The following PJA2 variants were observed in gnomAD, a reference collection of about 807,000 sequenced individuals.
PJA2 encodes the protein E3 ubiquitin-protein ligase Praja-2.
In PJA2, 25 loss-of-function variants were observed where a neutral mutation model predicts 69.3. The observed-to-expected ratio is 0.36, with a 90% CI of 0.26 to 0.50. The LOEUF (loss-of-function observed/expected upper bound fraction) is 0.50. Ranked by LOEUF, PJA2 falls within the 20% of genes least tolerant of loss-of-function variation. PJA2 has a pLI of 0.96. For missense variants in PJA2, 809 were observed against 830.2 expected (o/e 0.97, Z 0.31); for synonymous variants, 308 against 277.8 (o/e 1.11, Z -1.08).
At chr5:109,388,333 G>T (rs1202654248) in intron 1 of PJA2, among the ~76,000 whole-genome samples, 1 of 152,256 alleles carries the variant, frequency 6.6e-6, no homozygotes, top group South Asian at 2.1e-4. Context: ...TTACCCTTCA[G>T]ATGACTGCAG....
rs1373606204 is a variant in PJA2 at position 109,386,918 on chromosome 5, T to G, written c.-87-3398A>C. 2.0e-5 allele frequency among the ~76,000 whole-genome samples: 3 copies of G among 152,186 alleles called. No individual in the cohort carries two copies. The East Asian group carries it at 5.8e-4, about 29-fold the overall frequency. On this transcript the variant is annotated intron_variant, in intron 1 of 9. Transcript: ENST00000361189. ...GGTATTCTATAATTTCACAAAGACT[T>G]GTTTGGGGCAGGCCATGTTTAAATT...
chr5:109,362,749 T>C, intron 6 of PJA2, 91 bp downstream of exon 6: 2 of 1,282,536 alleles, frequency 1.6e-6, no homozygotes, highest in Non-Finnish European at 2.1e-6. Flanking sequence ...AAAATTATAA[T>C]ATTTCTCAGC....
chr5:109,344,995 C>G (rs1162317880), intron 7 of PJA2, among the ~76,000 whole-genome samples, 176 bp from the exon 8 acceptor site: 1 of 152,024 alleles, frequency 6.6e-6, no homozygotes, highest in Non-Finnish European at 1.5e-5. Flanking sequence ...CACCAACAAA[C>G]CAAAACATTA....
At position 109,403,183 on chromosome 5, in the gene PJA2, G is replaced by A. The variant is rs11952268; in HGVS notation, c.-88+6659C>T. Among the ~76,000 whole-genome samples the A allele has an allele frequency of 4.7e-3, 708 of 152,132 alleles. 4 individuals carry two copies. Among genetic ancestry groups the A allele is most frequent in the African/African-American group, 0.016 (666 of 41,522 alleles). The stretch of plus-strand genomic sequence containing the variant: ...TGAAAGGAAAGACACCACTACAGAC[G>A]TTATAGGCATTAAAATAATTAAGAA... On this transcript the variant is annotated intron_variant, in intron 1 of 9. Coordinates refer to ENST00000361189, the MANE Select transcript of PJA2 (RefSeq NM_014819.5).
At chr5:109,362,518 T>C (rs906314590) in intron 6 of PJA2, among the ~76,000 whole-genome samples, 3 of 152,146 alleles carry the variant, frequency 2.0e-5, no homozygotes, top group African/African-American at 7.2e-5. Flanking sequence ...AAGCTATTTT[T>C]GAAAGAATTA....
At chr5:109,407,887 G>A (rs1458457628) in intron 1 of PJA2, among the ~76,000 whole-genome samples, 1 of 152,084 alleles carries the variant, frequency 6.6e-6, no homozygotes, top group Non-Finnish European at 1.5e-5. Flanking sequence ...TCTGAGGAGA[G>A]AGACTCAATA....
Position 109,359,975 on chromosome 5 carries a change from C to A in PJA2, c.1652+2865G>T, listed in dbSNP as rs578085504. Among the ~76,000 whole-genome samples, 6 of 152,112 alleles carry A rather than the reference C, an allele frequency of 3.9e-5. No homozygotes were observed. The South Asian group carries it at 1.2e-3, about 32-fold the overall frequency. On this transcript the variant is annotated intron_variant, in intron 6 of 9. Coordinates refer to ENST00000361189, the MANE Select transcript of PJA2 (RefSeq NM_014819.5). ...ATAAGTGGGTCAGAAAAAAACCTTA[C>A]TATAAGTATAAAGAAAGGAAAGACA...
At chr5:109,349,545 C>T (rs1332126701) in intron 7 of PJA2, among the ~76,000 whole-genome samples, 3 of 152,190 alleles carry the variant, frequency 2.0e-5, no homozygotes, top group Non-Finnish European at 1.5e-5. Context: ...CAGTACAGCA[C>T]TTCCAGTTAG....
chr5:109,374,198 T>C (rs1401009367), intron 4 of PJA2, among the ~76,000 whole-genome samples: 1 of 152,230 alleles, frequency 6.6e-6, no homozygotes, highest in Non-Finnish European at 1.5e-5. Flanking sequence ...CTTTCTGGTC[T>C]TTTTCCTTAG....
At chr5:109,353,862 A>G (rs1351811750) in intron 7 of PJA2, among the ~76,000 whole-genome samples, 15 of 45,016 alleles carry the variant, frequency 3.3e-4, no homozygotes, top group African/African-American at 1.1e-3. Flanking sequence ...TGTCTATGAT[A>G]TCTAGAGATA....
At chr5:109,352,527 C>G (rs1287195614) in intron 7 of PJA2, among the ~76,000 whole-genome samples, 2 of 152,088 alleles carry the variant, frequency 1.3e-5, no homozygotes, top group Non-Finnish European at 2.9e-5. Flanking sequence ...TTTGCCAAGG[C>G]AGGTTAAATA....
intron 9 of PJA2, among the ~76,000 whole-genome samples, chr5:109,341,558 TCAGCCCCCCGCCCGGC>T (rs1265846268): frequency 5.4e-4 from 34 of 63,534 alleles, no homozygotes; most frequent in Non-Finnish European, 8.9e-4. Context: ...TGGGGGGGGG[TCAGCCCCCCGCCCGGC>T]CAGCCGCCCC....
intron 6 of PJA2, among the ~76,000 whole-genome samples, chr5:109,357,008 T>C (rs1003218792): frequency 6.6e-6 from 1 of 152,034 alleles, no homozygotes; most frequent in African/African-American, 2.4e-5. Flanking sequence ...ATGTCCTTGG[T>C]CCTCTTTTCT....
At chr5:109,346,834 G>C (rs1380972412) in intron 7 of PJA2, among the ~76,000 whole-genome samples, 1 of 152,056 alleles carries the variant, frequency 6.6e-6, no homozygotes, top group Non-Finnish European at 1.5e-5. Context: ...AAAAACTGTA[G>C]CAATAGTAAA....
At position 109,344,319 on chromosome 5, in the gene PJA2, C is replaced by A; in HGVS notation, c.1880-8G>T. On this transcript the variant is annotated splice_polypyrimidine_tract_variant and splice_region_variant and intron_variant, in intron 8 of 9. Coordinates refer to ENST00000361189, the MANE Select transcript of PJA2 (RefSeq NM_014819.5). ...ATTGTTCCTGACCAATAGCTGAAAA[C>A]AACAAATAATTCAGGTCAATCACAC... 6.3e-7 allele frequency: 1 copy of A among 1,586,366 alleles called. No individual in the cohort carries two copies. Among genetic ancestry groups the A allele is most frequent in the Non-Finnish European group, 8.5e-7 (1 of 1,169,680 alleles).
rs769906130 is a variant in PJA2, at chr5:109,378,564, C to G, written c.923G>C (p.Ser308Thr). 1 of 1,614,156 alleles carries G rather than the reference C, an allele frequency of 6.2e-7. No homozygotes were observed. Among genetic ancestry groups the G allele is most frequent in the East Asian group, 2.2e-5 (1 of 44,886 alleles). ...TGGCCTCACTACCTGTTCAGGAGAACTTCCATGGTTCTTTTCCCTATCATT... is the reference window on the plus strand; with the variant it reads ...TGGCCTCACTACCTGTTCAGGAGAAGTTCCATGGTTCTTTTCCCTATCATT... ...NTNDREKNHG[S>T]SPEQVVRPKV... Residue 308 changes from serine (S) to threonine (T), a missense_variant, in exon 4 of 10, where the codon AGT becomes ACT. Coordinates refer to ENST00000361189, the MANE Select transcript of PJA2 (RefSeq NM_014819.5).
intron 9 of PJA2, among the ~76,000 whole-genome samples, chr5:109,341,378 G>C (rs1762053722): frequency 6.7e-6 from 1 of 148,396 alleles, no homozygotes; most frequent in African/African-American, 2.5e-5. Flanking sequence ...CGCCCCGTCT[G>C]AGAAGTGAGG....
At chr5:109,394,048 T>C (rs912383786) in intron 1 of PJA2, among the ~76,000 whole-genome samples, 4 of 141,652 alleles carry the variant, frequency 2.8e-5, no homozygotes, top group African/African-American at 7.7e-5. Flanking sequence ...TCTTTTTTTT[T>C]TTTTTTTTTT....
chr5:109,392,488 G>A (rs577590982), intron 1 of PJA2, among the ~76,000 whole-genome samples: 1 of 149,890 alleles, frequency 6.7e-6, no homozygotes, highest in African/African-American at 2.5e-5. Context: ...TTGAACCCAG[G>A]AGGTGGAGGT....
Sources: allele counts gnomAD v4.1 joint callset (sites outside exome capture counted in the v4.1 genomes callset), GRCh38; gene constraint gnomAD v4.1.1; transcripts MANE v1.5; gene names NCBI Gene and HGNC (gene_info 2026-07-23, HGNC 2026-07-21).